The following MDH1B variants were observed in gnomAD, a reference collection of about 807,000 sequenced individuals.
MDH1B encodes the protein malate dehydrogenase 1B.
MDH1B carries 60 observed loss-of-function variants against 61.4 expected under a neutral mutation model. That is an observed-to-expected ratio of 0.98 (90% CI 0.79 to 1.21). The LOEUF is 1.21. Among genes scored for constraint, MDH1B ranks in the 50% most tolerant of loss-of-function variants. The probability of loss-of-function intolerance (pLI) is 0.00; values close to 1 mark genes in which losing one functional copy is unlikely to be tolerated. For missense variants in MDH1B, 587 were observed against 632.1 expected (o/e 0.93, Z 0.76); for synonymous variants, 236 against 218.7 (o/e 1.08, Z -0.70).
chr2:206,761,153 T>C lies in MDH1B; in HGVS notation c.23-140A>G, dbSNP rs1689070172. ...CATAAAGTTGCAGTATAAACTGCTATTACATAAACTTCTGATGTTTATTAG... is the reference window on the plus strand; with the variant it reads ...CATAAAGTTGCAGTATAAACTGCTACTACATAAACTTCTGATGTTTATTAG... On this transcript the variant is annotated intron_variant, in intron 1 of 11. Transcript: ENST00000374412. 4 of 481,482 alleles carry C rather than the reference T, an allele frequency of 8.3e-6. No individual in the cohort carries two copies. The South Asian group carries it at 1.7e-4, about 21-fold the overall frequency. The allele number at this position is 481,482 out of a possible 1,614,324, so 29.8% of individuals were successfully genotyped here. A position where few individuals can be genotyped will look rare whatever the true frequency, so the allele number is the denominator to read the frequency against.
chr2:206,748,610 G>A (rs1429911275), intron 7 of MDH1B, among the ~76,000 whole-genome samples: 3 of 152,114 alleles, frequency 2.0e-5, no homozygotes. Flanking sequence ...TTGTCTTCCA[G>A]GTCAAAGCTC....
chr2:206,757,239 G>A lies in MDH1B; in HGVS notation c.268C>T (p.Gln90Ter), dbSNP rs765100818. The part of the protein sequence containing the change: ...GGYNEFLEHA[Q>*]LYYDVTSSMT... ...AACAGATAAGTTAACTTATATACCT[G>A]AGCATGCTCCAGGAACTCATTATAT... The change falls in exon 3 of 12, where the codon CAG becomes TAG. Residue 90 changes from glutamine to a stop codon, truncating the protein, a stop_gained and splice_region_variant. Transcript: ENST00000374412. LOFTEE classifies it high-confidence loss of function. 6.2e-7 allele frequency: 1 copy of A among 1,612,570 alleles called. No individual in the cohort carries two copies. The highest frequency in any genetic ancestry group is 8.5e-7 in the Non-Finnish European group (1 of 1,179,282).
rs772701621 is a variant in MDH1B, at chr2:206,749,211, C to T, written c.1053-28G>A. On this transcript the variant is annotated intron_variant, in intron 6 of 11. Transcript: ENST00000374412. ...GTAAGGAGAGAAAGAAACAATTTTA[C>T]AATGGAGAGAGGAATTAAAGAGAAA... The T allele has an allele frequency of 4.4e-6, 7 of 1,604,744 alleles. No individual in the cohort carries two copies. In the South Asian group the frequency reaches 6.6e-5, roughly 15 times the overall value.
rs1363118691 is a variant in MDH1B, at chr2:206,757,248, C to T, written c.259G>A (p.Glu87Lys). Residue 87 changes from glutamate to lysine, a missense_variant, in exon 3 of 12, where the codon GAG becomes AAG. By Grantham distance (56) the Glu-to-Lys change is moderately conservative. Transcript: ENST00000374412. ...LLLGGYNEFL[E>K]HAQLYYDVTS... The stretch of plus-strand genomic sequence containing the variant: ...GTTAACTTATATACCTGAGCATGCT[C>T]CAGGAACTCATTATATCCTCCCAAA... The T allele has an allele frequency of 6.2e-7, 1 of 1,613,046 alleles. No individual in the cohort carries two copies. Among genetic ancestry groups the T allele is most frequent in the Non-Finnish European group, 8.5e-7 (1 of 1,179,134 alleles).
chr2:206,747,524 C>T (rs148366686), intron 7 of MDH1B, among the ~76,000 whole-genome samples: 2 of 151,386 alleles, frequency 1.3e-5, no homozygotes, highest in Admixed American at 6.6e-5. Flanking sequence ...GTTCATGCAC[C>T]TTAACTTCAA....
At chr2:206,741,212 C>T (rs1423838693) in intron 9 of MDH1B, 108 bp from the exon 10 acceptor site, 3 of 1,445,348 alleles carry the variant, frequency 2.1e-6, no homozygotes, top group East Asian at 2.4e-5. Context: ...GTGACTATGA[C>T]CCACAATAAA....
In MDH1B at chr2:206,755,015, G is replaced by A. The variant is rs1195734996; in HGVS notation, c.904C>T (p.Pro302Ser). The change falls in exon 5 of 12, where the codon CCT becomes TCT. Residue 302 changes from proline (P) to serine (S), a missense_variant. By Grantham distance (74) the Pro-to-Ser change is moderately conservative (BLOSUM62 -1). Transcript: ENST00000374412. ...AILARKLKTA[P>S]SYIKDVIIWG... ...TAAAGAGACATTCACTCACATGAAG[G>A]AGCTGTCTTCAGTTTTCTGGCCAGT... The A allele has an allele frequency of 1.1e-5, 18 of 1,611,158 alleles. No individual in the cohort carries two copies. In the South Asian group the frequency reaches 1.9e-4, roughly 17 times the overall value.
chr2:206,743,593 T>C (rs950861388), intron 9 of MDH1B, among the ~76,000 whole-genome samples: 1 of 152,198 alleles, frequency 6.6e-6, no homozygotes, highest in African/African-American at 2.4e-5. Flanking sequence ...CTCCAGGAAG[T>C]ATGCAGTTCT....
chr2:206,753,656 C>T (rs1432291695), intron 5 of MDH1B, among the ~76,000 whole-genome samples: 1 of 152,212 alleles, frequency 6.6e-6, no homozygotes, highest in Non-Finnish European at 1.5e-5. Context: ...TTTTGCTCAA[C>T]TTTGGTCATT....
chr2:206,761,413 T>G (rs569648111), intron 1 of MDH1B, among the ~76,000 whole-genome samples: 19 of 152,204 alleles, frequency 1.2e-4, no homozygotes, highest in African/African-American at 4.1e-4. Context: ...AAAGTCACTT[T>G]TGGATTTGAT....
Position 206,745,835 on chromosome 2 carries a change from G to A in MDH1B, c.1357-162C>T, listed in dbSNP as rs528864340. The stretch of plus-strand genomic sequence containing the variant: ...CACAACCTCTCCCTTCTTGGTTCAA[G>A]CGATTCTCCTGCCTCAGCCTCCCGA... On this transcript the variant is annotated intron_variant, in intron 8 of 11. Transcript: ENST00000374412. Among the ~76,000 whole-genome samples the A allele has an allele frequency of 3.8e-3, 565 of 150,334 alleles. 1 individual carries two copies. The highest frequency in any genetic ancestry group is 6.5e-3 in the Non-Finnish European group (443 of 67,810).
In MDH1B at chr2:206,757,103, A is replaced by G. The variant is rs1284133558; in HGVS notation, c.271-63T>C. On this transcript the variant is annotated intron_variant, in intron 3 of 11. Coordinates refer to ENST00000374412, the MANE Select transcript of MDH1B (RefSeq NM_001039845.3). ...AGATAACTAGTTGAAATTGGCTATAATGGAAAGTTTTTGTTTAAAGTCAAA... is the reference window on the plus strand; with the variant it reads ...AGATAACTAGTTGAAATTGGCTATAGTGGAAAGTTTTTGTTTAAAGTCAAA... The G allele has an allele frequency of 3.2e-6, 5 of 1,563,182 alleles. No homozygotes were observed. In the African/African-American group the frequency reaches 6.9e-5, roughly 21 times the overall value.
chr2:206,762,259 T>C (rs756744093), intron 1 of MDH1B, among the ~76,000 whole-genome samples: 5 of 152,330 alleles, frequency 3.3e-5, no homozygotes, highest in Middle Eastern at 3.4e-3. Context: ...ACAACTTTGC[T>C]TTTTACTTTA....
In MDH1B at chr2:206,765,326, C is replaced by G; in HGVS notation, c.-55G>C. On this transcript the variant is annotated 5_prime_UTR_variant, in exon 1 of 12. Coordinates refer to ENST00000374412, the MANE Select transcript of MDH1B (RefSeq NM_001039845.3). ...CGGCTTCGCGGTTTCCTGGCAACCA[C>G]GCAGCCAAGGGCAAGGCGCAGGCGC... The G allele has an allele frequency of 6.4e-7, 1 of 1,568,178 alleles. No homozygotes were observed. The highest frequency in any genetic ancestry group is 2.0e-5 in the Admixed American group (1 of 49,250).
chr2:206,760,688 A>AT (rs1689040110), intron 2 of MDH1B, among the ~76,000 whole-genome samples: 1 of 152,178 alleles, frequency 6.6e-6, no homozygotes, highest in Non-Finnish European at 1.5e-5. Flanking sequence ...CTACTTATTG[A>AT]TTAGGGTCTC....
intron 1 of MDH1B, 94 bp downstream of exon 1, chr2:206,765,156 G>C (rs777793747): frequency 2.1e-6 from 3 of 1,441,956 alleles, no homozygotes; most frequent in Non-Finnish European, 2.8e-6. Flanking sequence ...AGCATGGAGC[G>C]GTCCGTATAG....
chr2:206,748,974 G>A, intron 7 of MDH1B, 46 bp downstream of exon 7: 1 of 1,559,876 alleles, frequency 6.4e-7, no homozygotes, highest in South Asian at 1.1e-5. Context: ...ACGAGTTATA[G>A]ATAGAGGTTT....
At chr2:206,738,567 T>C in intron 11 of MDH1B, 56 bp from the exon 12 acceptor site, 1 of 1,292,568 alleles carries the variant, frequency 7.7e-7, no homozygotes, top group Non-Finnish European at 1.1e-6. Context: ...GTTAGTAGCA[T>C]ATGTTATTAT....
chr2:206,742,106 T>C (rs1687845294), intron 9 of MDH1B, among the ~76,000 whole-genome samples: 1 of 152,176 alleles, frequency 6.6e-6, no homozygotes, highest in African/African-American at 2.4e-5. Context: ...AAGAAAATGA[T>C]GAACTCAGAG....
Sources: gnomAD v4.1 joint callset for allele counts (sites outside exome capture counted in the v4.1 genomes callset) on GRCh38, gnomAD v4.1.1 for gene constraint, MANE v1.5 for transcripts, NCBI Gene and HGNC (gene_info 2026-07-23, HGNC 2026-07-21) for gene names.